The following EYA1 variants were observed in gnomAD, a reference collection of about 807,000 sequenced individuals.
EYA1 encodes the protein EYA transcriptional coactivator and phosphatase 1.
Under a neutral mutation model 82.0 loss-of-function variants are expected in EYA1, and 16 were observed. The ratio of observed to expected loss-of-function variants is 0.20; its 90% CI spans 0.13 to 0.30. EYA1 has a LOEUF of 0.30. Ranked by LOEUF, EYA1 falls within the 10% of genes least tolerant of loss-of-function variation. The probability of loss-of-function intolerance (pLI) is 1.00; values close to 1 mark genes in which losing one functional copy is unlikely to be tolerated. For synonymous variants in EYA1, 261 were observed against 264.4 expected (o/e 0.99, Z 0.12); for missense variants, 633 against 730.7 (o/e 0.87, Z 1.54).
At chr8:71,259,726 G>C (rs752120076) in intron 11 of EYA1, among the ~76,000 whole-genome samples, 4 of 152,158 alleles carry the variant, frequency 2.6e-5, no homozygotes, top group Admixed American at 1.3e-4. Flanking sequence ...ATAGAAAGTT[G>C]AAGGGAAACC....
At chr8:71,254,243 C>CAAAAAAAAAAAAAAAAAAA (rs56047377) in intron 11 of EYA1, among the ~76,000 whole-genome samples, 5 of 51,462 alleles carry the variant, frequency 9.7e-5, no homozygotes, top group East Asian at 6.8e-4. Flanking sequence ...AAGTCTTGGC[C>CAAAAAAAAAAAAAAAAAAA]AAAAAAAAAA....
intron 7 of EYA1, among the ~76,000 whole-genome samples, chr8:71,315,999 T>C (rs1171753394): frequency 6.6e-6 from 1 of 151,914 alleles, no homozygotes; most frequent in Non-Finnish European, 1.5e-5. Context: ...TAAAAAAAAA[T>C]CATTCTTAAG....
At chr8:71,375,141 T>A (rs1457964422) in intron 2 of EYA1, among the ~76,000 whole-genome samples, 4 of 152,124 alleles carry the variant, frequency 2.6e-5, no homozygotes, top group Non-Finnish European at 2.9e-5. Flanking sequence ...ACATTTTAGA[T>A]ACTCTACTAC....
intron 2 of EYA1, chr8:71,404,622 A>C (rs759727897): frequency 8.5e-5 from 13 of 152,180 alleles, no homozygotes; most frequent in Admixed American, 2.0e-4. Context: ...TGATGTTAAG[A>C]TTCAGAAATA....
intron 12 of EYA1, among the ~76,000 whole-genome samples, chr8:71,238,607 C>T (rs184303964): frequency 9.9e-5 from 15 of 151,800 alleles, no homozygotes; most frequent in East Asian, 1.9e-4. Context: ...TAGTAACTAC[C>T]GCTATTTTAA....
At chr8:71,288,624 G>A (rs1818655535) in intron 9 of EYA1, among the ~76,000 whole-genome samples, 2 of 152,322 alleles carry the variant, frequency 1.3e-5, no homozygotes, top group African/African-American at 4.8e-5. Context: ...AGATATAAGA[G>A]AGTAGTCTAT....
intron 9 of EYA1, among the ~76,000 whole-genome samples, chr8:71,277,628 G>A (rs548930904): frequency 1.3e-5 from 2 of 152,204 alleles, no homozygotes; most frequent in Non-Finnish European, 2.9e-5. Flanking sequence ...TTGCATTTGT[G>A]GTGGATAATA....
intron 2 of EYA1, among the ~76,000 whole-genome samples, chr8:71,515,185 TATTTCTTA>T (rs1195455423): frequency 6.6e-6 from 1 of 152,128 alleles, no homozygotes; most frequent in Non-Finnish European, 1.5e-5. Context: ...CTGTCTCATG[TATTTCTTA>T]CAATCCCATG....
rs1828740002 is a variant in EYA1, at chr8:71,382,155, C to T, written c.34-25644G>A. On this transcript the variant is annotated intron_variant, in intron 2 of 18. Transcript: ENST00000643681. ...TTTTAGTAGAACCGCAGATGAATTACATAATATTTATAAAGGGATCTTATA... is the reference window on the plus strand; with the variant it reads ...TTTTAGTAGAACCGCAGATGAATTATATAATATTTATAAAGGGATCTTATA... Among the ~76,000 whole-genome samples the T allele has an allele frequency of 2.0e-5, 3 of 152,044 alleles. No individual in the cohort carries two copies. The South Asian group carries it at 6.2e-4, about 32-fold the overall frequency.
chr8:71,285,582 G>A (rs1818281258), intron 9 of EYA1, among the ~76,000 whole-genome samples: 1 of 152,206 alleles, frequency 6.6e-6, no homozygotes, highest in East Asian at 1.9e-4. Flanking sequence ...ATACAAGTAG[G>A]TTTGGAACTT....
At chr8:71,376,376 T>G (rs1162638439) in intron 2 of EYA1, among the ~76,000 whole-genome samples, 1 of 152,174 alleles carries the variant, frequency 6.6e-6, no homozygotes, top group African/African-American at 2.4e-5. Context: ...GATTTTATTC[T>G]GGTTGTAATG....
At position 71,207,876 on chromosome 8, in the gene EYA1, T is replaced by C. The variant is rs142735824; in HGVS notation, c.1698+3280A>G. 1.2e-4 allele frequency among the ~76,000 whole-genome samples: 19 copies of C among 152,152 alleles called. No homozygotes were observed. The East Asian group carries it at 3.7e-3, about 30-fold the overall frequency. ...AGAAGGATTTTCCAAATAATTGTAA[T>C]AGAATAGTTTTGTACACCTTATAAT... On this transcript the variant is annotated intron_variant, in intron 17 of 17. Coordinates refer to ENST00000340726, the MANE Select transcript of EYA1 (RefSeq NM_000503.6).
intron 7 of EYA1, among the ~76,000 whole-genome samples, chr8:71,302,148 T>C (rs1295769760): frequency 6.6e-6 from 1 of 152,214 alleles, no homozygotes; most frequent in Non-Finnish European, 1.5e-5. Flanking sequence ...CCTTGGGTTA[T>C]GATCCGTTAC....
In EYA1 at chr8:71,535,671, G is replaced by T. The variant is rs1442221594; in HGVS notation, c.33+73C>A. ...TTTTGACAATCTTCCAGATACTCGG[G>T]TTACAATAAAAATGCCATGATGATT... On this transcript the variant is annotated intron_variant, in intron 2 of 18. Transcript: ENST00000643681. 2.7e-6 allele frequency: 3 copies of T among 1,098,756 alleles called. No homozygotes were observed. In the East Asian group the frequency reaches 8.0e-5, roughly 29 times the overall value. The allele number at this position is 1,098,756 out of a possible 1,614,324, so 68.1% of individuals were successfully genotyped here.
intron 12 of EYA1, among the ~76,000 whole-genome samples, chr8:71,239,455 A>G (rs1345539545): frequency 6.6e-6 from 1 of 152,214 alleles, no homozygotes. Context: ...TGGTCAACAT[A>G]TATAAGGCAA....
chr8:71,251,783 C>T (rs1212427605), intron 11 of EYA1, among the ~76,000 whole-genome samples: 3 of 152,002 alleles, frequency 2.0e-5, no homozygotes, highest in Admixed American at 6.5e-5. Context: ...CATCATGTAC[C>T]CAAATCACCA....
intron 1 of EYA1, among the ~76,000 whole-genome samples, chr8:71,541,842 G>A (rs141387328): frequency 1.3e-5 from 2 of 152,160 alleles, no homozygotes; most frequent in African/African-American, 4.8e-5. Flanking sequence ...TTAGGGCATT[G>A]CTAGTCTTCT....
intron 4 of EYA1, among the ~76,000 whole-genome samples, chr8:71,330,298 G>A (rs1013506511): frequency 6.6e-6 from 1 of 152,120 alleles, no homozygotes; most frequent in Non-Finnish European, 1.5e-5. Context: ...ATGTTTCAGT[G>A]GAAAAGTTAT....
At chr8:71,315,650 T>G (rs1408957727) in intron 7 of EYA1, among the ~76,000 whole-genome samples, 1 of 152,236 alleles carries the variant, frequency 6.6e-6, no homozygotes, top group Non-Finnish European at 1.5e-5. Context: ...ATGATCCATT[T>G]TATTACTAGA....
Sources: allele counts gnomAD v4.1 joint callset (sites outside exome capture counted in the v4.1 genomes callset), GRCh38; gene constraint gnomAD v4.1.1; transcripts MANE v1.5; gene names NCBI Gene and HGNC (gene_info 2026-07-23, HGNC 2026-07-21).